The following ARHGEF9 variants were observed in gnomAD, a reference collection of about 807,000 sequenced individuals.
ARHGEF9 encodes the protein Cdc42 guanine nucleotide exchange factor 9.
ARHGEF9 carries 2 observed loss-of-function variants against 41.3 expected under a neutral mutation model. The ratio of observed to expected loss-of-function variants is 0.05; its 90% CI spans 0.02 to 0.15. ARHGEF9 has a LOEUF of 0.15. Among genes scored for constraint, ARHGEF9 ranks in the 10% least tolerant of loss-of-function variants. The probability of loss-of-function intolerance (pLI) is 1.00; values close to 1 mark genes in which losing one functional copy is unlikely to be tolerated. For missense variants in ARHGEF9, 225 were observed against 424.7 expected (o/e 0.53, Z 4.13); for synonymous variants, 160 against 154.4 (o/e 1.04, Z -0.27).
chrX:63,668,150 T>C (rs1263579773), intron 6 of ARHGEF9, among the ~76,000 whole-genome samples: 1 of 110,885 alleles, frequency 9.0e-6, no homozygotes, highest in African/African-American at 3.3e-5. Flanking sequence ...TTTTTCTTTT[T>C]TGAGACAGAG....
rs184414543 is a variant in ARHGEF9 at position 63,744,104 on chromosome X, C to T, written c.31-19393G>A. Among the ~76,000 whole-genome samples the T allele has an allele frequency of 1.4e-4, 16 of 111,963 alleles. No homozygotes were observed. The East Asian group carries it at 4.2e-3, about 30-fold the overall frequency. Reference sequence around the variant, plus strand: ...CACACAGCAACTGACTTCACATTTGCACCTCCTTTTTACTCATGTGTACAT... The same window carrying T: ...CACACAGCAACTGACTTCACATTTGTACCTCCTTTTTACTCATGTGTACAT... On this transcript the variant is annotated intron_variant, in intron 1 of 9. Coordinates refer to ENST00000671741, the MANE Select transcript of ARHGEF9 (RefSeq NM_001353921.2).
chrX:63,718,484 T>A (rs1424142728), intron 2 of ARHGEF9, among the ~76,000 whole-genome samples: 1 of 110,217 alleles, frequency 9.1e-6, no homozygotes, highest in Admixed American at 9.7e-5. Flanking sequence ...TCTAAGCTAA[T>A]CCCCAAATAA....
At chrX:63,666,449 T>TACACACACACACACACAC (rs782141996) in intron 6 of ARHGEF9, among the ~76,000 whole-genome samples, 1 of 19,845 alleles carries the variant, frequency 5.0e-5, no homozygotes, top group African/African-American at 1.5e-4. Context: ...CATATATATA[T>TACACACACACACACACAC]ACATACACAC....
rs1380944359 is a variant in ARHGEF9, at chrX:63,785,101, G to A, written c.30+15C>T. ...AGAGGCTCAAGCAAGGGAAGCCAAG[G>A]TTACATGCACTCACCATTCCCGATC... is the stretch of plus-strand genomic sequence containing the variant. On this transcript the variant is annotated intron_variant, in intron 1 of 9. Coordinates refer to ENST00000671741, the MANE Select transcript of ARHGEF9 (RefSeq NM_001353921.2). 8.6e-7 allele frequency: 1 copy of A among 1,164,969 alleles called. No homozygotes were observed.
At chrX:63,710,648 A>T (rs1233095032) in intron 2 of ARHGEF9, among the ~76,000 whole-genome samples, 2 of 111,285 alleles carry the variant, frequency 1.8e-5, no homozygotes, top group African/African-American at 6.5e-5. Flanking sequence ...TAAAAAAAAA[A>T]TACTAAACAA....
intron 7 of ARHGEF9, among the ~76,000 whole-genome samples, chrX:63,658,711 C>A (rs2049027274): frequency 8.9e-6 from 1 of 111,790 alleles, no homozygotes; most frequent in South Asian, 3.8e-4. Flanking sequence ...CATCTCACTA[C>A]CTCCTTTAGC....
intron 4 of ARHGEF9, among the ~76,000 whole-genome samples, chrX:63,680,304 A>T (rs782048944): frequency 8.9e-6 from 1 of 112,221 alleles, no homozygotes; most frequent in Non-Finnish European, 1.9e-5. Context: ...ACACAAAACG[A>T]GTAGGAAAAA....
chrX:63,746,290 T>TA (rs1413010743), intron 1 of ARHGEF9, among the ~76,000 whole-genome samples: 2 of 112,385 alleles, frequency 1.8e-5, no homozygotes, highest in African/African-American at 6.5e-5. Flanking sequence ...ATAAGAGTGA[T>TA]AAGGGCAAGA....
chrX:63,653,173 G>T lies in ARHGEF9; in HGVS notation c.1321+2321C>A, dbSNP rs1268610183. ...CTAGATAATCTGGATGGACCTGACTGAATCTGTTGCAAGACCTTAAAAGTA... is the reference window on the plus strand; with the variant it reads ...CTAGATAATCTGGATGGACCTGACTTAATCTGTTGCAAGACCTTAAAAGTA... On this transcript the variant is annotated intron_variant, in intron 8 of 9. Transcript: ENST00000671741. Among the ~76,000 whole-genome samples the T allele has an allele frequency of 3.6e-5, 4 of 111,710 alleles. No individual in the cohort carries two copies. The South Asian group carries it at 1.1e-3, about 31-fold the overall frequency.
intron 1 of ARHGEF9, among the ~76,000 whole-genome samples, chrX:63,731,556 T>C (rs2054287861): frequency 1.0e-5 from 1 of 96,472 alleles, no homozygotes; most frequent in Non-Finnish European, 2.1e-5. Flanking sequence ...GTCTCAGTTT[T>C]TTTTTTTTTT....
At chrX:63,748,366 C>T (rs1263472690) in intron 1 of ARHGEF9, among the ~76,000 whole-genome samples, 2 of 112,158 alleles carry the variant, frequency 1.8e-5, no homozygotes, top group Non-Finnish European at 3.8e-5. Context: ...AAATAAAAAC[C>T]TCCCAAAGGC....
At chrX:63,767,269 G>A in intron 1 of ARHGEF9, 1 of 571,047 alleles carries the variant, frequency 1.8e-6, no homozygotes, top group African/African-American at 2.2e-5. Context: ...TACTGGAGAG[G>A]ATGACGATGA....
intron 8 of ARHGEF9, among the ~76,000 whole-genome samples, chrX:63,652,803 GC>G (rs2048632148): frequency 9.0e-6 from 1 of 110,972 alleles, no homozygotes; most frequent in African/African-American, 3.3e-5. Context: ...TGGGGGAGGG[GC>G]CTAGTGGGAG....
chrX:63,709,510 G>T (rs782554218), intron 2 of ARHGEF9, among the ~76,000 whole-genome samples: 14 of 111,152 alleles, frequency 1.3e-4, no homozygotes, highest in African/African-American at 4.6e-4. Context: ...TTTTATACCT[G>T]AACAAGTCCC....
At chrX:63,772,435 C>T (rs2056221156) in intron 1 of ARHGEF9, among the ~76,000 whole-genome samples, 1 of 111,682 alleles carries the variant, frequency 9.0e-6, no homozygotes, top group Non-Finnish European at 1.9e-5. Context: ...CGAACACTTC[C>T]TATTGTGTTT....
intron 4 of ARHGEF9, among the ~76,000 whole-genome samples, chrX:63,684,127 A>G (rs1556372784): frequency 1.8e-5 from 2 of 110,698 alleles, no homozygotes; most frequent in Admixed American, 1.9e-4. Flanking sequence ...AGTGGTTAAT[A>G]TTCAAAATAT....
intron 1 of ARHGEF9, among the ~76,000 whole-genome samples, chrX:63,774,090 TATC>T (rs1435807266): frequency 3.7e-5 from 4 of 109,468 alleles, no homozygotes; most frequent in East Asian, 2.9e-4. Context: ...TCTATCTATC[TATC>T]TACTTATCCA....
At chrX:63,663,970 C>A (rs2049368922) in intron 7 of ARHGEF9, among the ~76,000 whole-genome samples, 1 of 112,166 alleles carries the variant, frequency 8.9e-6, no homozygotes, top group South Asian at 3.8e-4. Flanking sequence ...ACTCCAGACT[C>A]TAGGCTGGCT....
intron 1 of ARHGEF9, chrX:63,767,295 T>G: frequency 1.6e-6 from 1 of 632,741 alleles, no homozygotes; most frequent in Non-Finnish European, 2.6e-6. Context: ...TTCCAGATCT[T>G]GTAGAAAATT....
Sources: gnomAD v4.1 joint callset for allele counts (sites outside exome capture counted in the v4.1 genomes callset) on GRCh38, gnomAD v4.1.1 for gene constraint, MANE v1.5 for transcripts, NCBI Gene and HGNC (gene_info 2026-07-23, HGNC 2026-07-21) for gene names.